The following PIP5K1B variants were observed in gnomAD, a reference collection of about 807,000 sequenced individuals.
PIP5K1B encodes phosphatidylinositol-4-phosphate 5-kinase type 1 beta, also known as phosphatidylinositol 4-phosphate 5-kinase type-1 beta.
A neutral mutation model predicts 67.0 loss-of-function variants in PIP5K1B; 42 were observed. The ratio of observed to expected loss-of-function variants is 0.63; its 90% CI spans 0.49 to 0.81. PIP5K1B has a LOEUF of 0.81. PIP5K1B is among the 30% of genes least tolerant of loss of function. PIP5K1B has a pLI of 0.00. For synonymous variants in PIP5K1B, 214 were observed against 231.4 expected (o/e 0.92, Z 0.68); for missense variants, 459 against 646.3 (o/e 0.71, Z 3.14).
intron 15 of PIP5K1B, among the ~76,000 whole-genome samples, chr9:69,003,466 T>TA (rs57669897): frequency 0.052 from 866 of 16,540 alleles, 13 homozygotes; most frequent in African/African-American, 0.16. Flanking sequence ...TAATTATAGT[T>TA]AAAAAAAAAA....
chr9:68,973,147 C>G (rs1342236219), intron 14 of PIP5K1B, among the ~76,000 whole-genome samples: 1 of 152,184 alleles, frequency 6.6e-6, no homozygotes, highest in East Asian at 1.9e-4. Context: ...AGAACTAAAG[C>G]CTTCCAGTGC....
At chr9:68,741,892 G>A (rs1251556459) in intron 1 of PIP5K1B, among the ~76,000 whole-genome samples, 1 of 152,194 alleles carries the variant, frequency 6.6e-6, no homozygotes. Flanking sequence ...GTTGTTGGGG[G>A]TGGGGAGAAC....
intron 8 of PIP5K1B, among the ~76,000 whole-genome samples, chr9:68,904,051 G>A (rs1392890123): frequency 1.3e-5 from 2 of 150,700 alleles, no homozygotes; most frequent in Non-Finnish European, 2.9e-5. Flanking sequence ...GCCATGTGAA[G>A]TGAGTGGTAT....
chr9:68,749,925 C>T (rs535856424), intron 2 of PIP5K1B, among the ~76,000 whole-genome samples: 2 of 152,204 alleles, frequency 1.3e-5, no homozygotes, highest in African/African-American at 4.8e-5. Context: ...ACAGCTTAAT[C>T]CCAGCTCCAT....
intron 14 of PIP5K1B, among the ~76,000 whole-genome samples, chr9:68,962,612 AG>A (rs1828811741): frequency 6.6e-6 from 1 of 152,242 alleles, no homozygotes; most frequent in African/African-American, 2.4e-5. Flanking sequence ...GGAGTCATTC[AG>A]TCCATCTAGA....
chr9:68,710,527 T>G (rs1026262779), intron 1 of PIP5K1B, among the ~76,000 whole-genome samples: 27 of 152,308 alleles, frequency 1.8e-4, no homozygotes, highest in African/African-American at 6.3e-4. Flanking sequence ...CAGGCTTGCT[T>G]TTGTACATTC....
At chr9:68,903,015 G>A (rs1256674085) in intron 8 of PIP5K1B, among the ~76,000 whole-genome samples, 1 of 152,184 alleles carries the variant, frequency 6.6e-6, no homozygotes, top group African/African-American at 2.4e-5. Flanking sequence ...CTGCGATACA[G>A]GAGTTTAACG....
intron 6 of PIP5K1B, among the ~76,000 whole-genome samples, chr9:68,884,844 T>A (rs1165079459): frequency 6.6e-6 from 1 of 152,172 alleles, no homozygotes; most frequent in Non-Finnish European, 1.5e-5. Context: ...AAGGGAACTC[T>A]TGTATACTGT....
chr9:68,715,758 A>C (rs1240881170), intron 1 of PIP5K1B, among the ~76,000 whole-genome samples: 2 of 152,218 alleles, frequency 1.3e-5, no homozygotes, highest in African/African-American at 4.8e-5. Flanking sequence ...CCACTAAAGA[A>C]AGGAAATGCA....
In PIP5K1B at chr9:68,883,253, G is replaced by A. The variant is rs577164539; in HGVS notation, c.319-5728G>A. Among the ~76,000 whole-genome samples, 1,024 of 152,296 alleles carry A rather than the reference G, an allele frequency of 6.7e-3. 7 individuals carry two copies. The highest frequency in any genetic ancestry group is 0.023 in the African/African-American group (973 of 41,564). On this transcript the variant is annotated intron_variant, in intron 6 of 15. Coordinates refer to ENST00000265382, the MANE Select transcript of PIP5K1B (RefSeq NM_003558.4). ...GCTCTTCCACAAGGACACTTTGTCT[G>A]CACACATGGCTGGGCAAGTGCTCTC...
At chr9:68,830,272 C>A (rs1189666175) in intron 4 of PIP5K1B, among the ~76,000 whole-genome samples, 4 of 151,200 alleles carry the variant, frequency 2.6e-5, no homozygotes, top group South Asian at 4.2e-4. Context: ...TTACCATGCA[C>A]CCCCCGCCCT....
chr9:68,830,265 C>T (rs1368811213), intron 4 of PIP5K1B, among the ~76,000 whole-genome samples: 10 of 152,152 alleles, frequency 6.6e-5, no homozygotes, highest in Admixed American at 2.6e-4. Context: ...TATCACGTTA[C>T]CATGCACCCC....
chr9:68,920,359 C>CTTTTTTTTTT lies in PIP5K1B; in HGVS notation c.1116+647_1116+656dup, dbSNP rs5898051. ...ATACATGCTGGCTGCCTGAGGTTGTCTTTTTTTTTTTTTTTTTTTTTTTTT... is the reference window on the plus strand; with the variant it reads ...ATACATGCTGGCTGCCTGAGGTTGTCTTTTTTTTTTTTTTTTTTTTTTTTTTTTTTTTTTT... On this transcript the variant is annotated intron_variant, in intron 11 of 15. Transcript: ENST00000265382. Among the ~76,000 whole-genome samples, 209 of 98,368 alleles carry CTTTTTTTTTT rather than the reference C, an allele frequency of 2.1e-3. 71 individuals are homozygous for CTTTTTTTTTT. Among genetic ancestry groups the CTTTTTTTTTT allele is most frequent in the African/African-American group, 6.5e-3 (178 of 27,486 alleles). The allele number at this position is 98,368 out of a possible 152,430, so 64.5% of individuals were successfully genotyped here. A position where few individuals can be genotyped will look rare whatever the true frequency, so the allele number is the denominator to read the frequency against.
chr9:68,715,486 C>T (rs973904043), intron 1 of PIP5K1B, among the ~76,000 whole-genome samples: 1 of 152,158 alleles, frequency 6.6e-6, no homozygotes, highest in African/African-American at 2.4e-5. Context: ...CAGCATCGGT[C>T]GACCACGCTT....
At position 68,894,576 on chromosome 9, in the gene PIP5K1B, G is replaced by C; in HGVS notation, c.709G>C (p.Gly237Arg). ...DLDFLQDMHE[G>R]LYFDTETYNA... ...AGATTTCCTGCAAGACATGCACGAAGGGTTGTATTTTGATACGGAAACATA... is the reference window on the plus strand; with the variant it reads ...AGATTTCCTGCAAGACATGCACGAACGGTTGTATTTTGATACGGAAACATA... Residue 237 changes from glycine (G) to arginine (R), a missense_variant, in exon 8 of 16, where the codon GGG (glycine) becomes CGG (arginine). Transcript: ENST00000265382. 6.2e-7 allele frequency: 1 copy of C among 1,614,160 alleles called. No homozygotes were observed. Among genetic ancestry groups the C allele is most frequent in the Non-Finnish European group, 8.5e-7 (1 of 1,180,008 alleles).
chr9:68,911,099 C>G (rs970204396), intron 8 of PIP5K1B, among the ~76,000 whole-genome samples: 1 of 152,160 alleles, frequency 6.6e-6, no homozygotes, highest in African/African-American at 2.4e-5. Flanking sequence ...CTGGGCCAGG[C>G]ATGGTGGCTC....
chr9:68,909,950 G>A (rs1047800198), intron 8 of PIP5K1B, among the ~76,000 whole-genome samples: 2 of 152,150 alleles, frequency 1.3e-5, no homozygotes, highest in East Asian at 1.9e-4. Context: ...TAGTAGGTGC[G>A]CAATAAAATA....
chr9:68,857,438 C>G (rs1564187768), intron 4 of PIP5K1B, among the ~76,000 whole-genome samples: 1 of 152,152 alleles, frequency 6.6e-6, no homozygotes, highest in Non-Finnish European at 1.5e-5. Flanking sequence ...CCTTAGTTCT[C>G]TCAGTGGGAA....
intron 1 of PIP5K1B, among the ~76,000 whole-genome samples, chr9:68,720,112 T>C (rs1827817662): frequency 6.6e-6 from 1 of 152,228 alleles, no homozygotes; most frequent in South Asian, 2.1e-4. Flanking sequence ...ACAGCCTGTA[T>C]TATTATCATT....
Sources: allele counts gnomAD v4.1 joint callset (sites outside exome capture counted in the v4.1 genomes callset), GRCh38; gene constraint gnomAD v4.1.1; transcripts MANE v1.5; gene names NCBI Gene and HGNC (gene_info 2026-07-23, HGNC 2026-07-21).